Variants in LDLRAD4 observed in about 807,000 individuals in gnomAD.
LDLRAD4 encodes low density lipoprotein receptor class A domain containing 4.
LDLRAD4 carries 5 observed loss-of-function variants against 17.0 expected under a neutral mutation model. That is an observed-to-expected ratio of 0.29 (90% confidence interval 0.15 to 0.62). The LOEUF (loss-of-function observed/expected upper bound fraction) is 0.62. LDLRAD4 is among the 20% of genes least tolerant of loss of function. The probability of loss-of-function intolerance (pLI) is 0.84; values close to 1 mark genes in which losing one functional copy is unlikely to be tolerated. For synonymous variants in LDLRAD4, 168 were observed against 171.8 expected, an observed-to-expected ratio of 0.98 and a Z score of 0.17; for missense variants, 340 against 424.7, an observed-to-expected ratio of 0.80 and a Z score of 1.75.
chr18:13,553,265 T>C (rs1284414), intron 3 of LDLRAD4, among the ~76,000 whole-genome samples: 95,577 of 152,010 alleles, frequency 0.63, 30,273 homozygotes, highest in Middle Eastern at 0.7. Flanking sequence ...AATATTTGTA[T>C]GCTTGCGTGT....
intron 1 of LDLRAD4, among the ~76,000 whole-genome samples, chr18:13,312,805 G>A (rs1414875131): frequency 4.6e-5 from 7 of 152,036 alleles, no homozygotes; most frequent in African/African-American, 1.4e-4. Flanking sequence ...ATAATACTAC[G>A]CATTTTTCCT....
chr18:13,263,996 A>T (rs2044068033), intron 1 of LDLRAD4, among the ~76,000 whole-genome samples: 1 of 152,180 alleles, frequency 6.6e-6, no homozygotes, highest in South Asian at 2.1e-4. Context: ...AAAAAAAAGA[A>T]TTTTGGATGA....
Position 13,358,544 on chromosome 18 carries a change from A to C in LDLRAD4, c.-382-28797A>C, listed in dbSNP as rs185299000. The stretch of plus-strand genomic sequence containing the variant: ...ATTATTACTCATTTGATTTATCCCT[A>C]AAATGTGATAAATAAAATTTATCCT... On this transcript the variant is annotated intron_variant, in intron 1 of 5. Coordinates refer to ENST00000359446, the Ensembl canonical transcript of LDLRAD4. 2.6e-3 allele frequency among the ~76,000 whole-genome samples: 399 copies of C among 152,226 alleles called. 1 individual carries two copies. The highest frequency in any genetic ancestry group is 4.7e-3 in the Non-Finnish European group (321 of 68,016).
upstream of LDLRAD4, among the ~76,000 whole-genome samples, chr18:13,277,031 A>G (rs1032409178): frequency 5.3e-5 from 8 of 152,202 alleles, no homozygotes; most frequent in Non-Finnish European, 1.0e-4. Flanking sequence ...GCAGGCAGGA[A>G]ACAGGAGGAG....
At chr18:13,602,947 CTA>C (rs2095181232) in intron 3 of LDLRAD4, among the ~76,000 whole-genome samples, 1 of 151,938 alleles carries the variant, frequency 6.6e-6, no homozygotes, top group Non-Finnish European at 1.5e-5. Context: ...GAGGACATCG[CTA>C]TATGTTTTCA....
intron 1 of LDLRAD4, among the ~76,000 whole-genome samples, chr18:13,366,398 G>C (rs1464607743): frequency 6.6e-6 from 1 of 152,168 alleles, no homozygotes; most frequent in Non-Finnish European, 1.5e-5. Context: ...TCCTGGTATT[G>C]TTTCCCCAAA....
At chr18:13,346,266 C>A (rs189233222) in intron 1 of LDLRAD4, among the ~76,000 whole-genome samples, 125 of 152,188 alleles carry the variant, frequency 8.2e-4, no homozygotes, top group Non-Finnish European at 1.4e-3. Context: ...CCCAGAGATT[C>A]TTGTATGTTG....
At chr18:13,612,717 C>T in intron 3 of LDLRAD4, 1 of 1,613,634 alleles carries the variant, frequency 6.2e-7, no homozygotes, top group Non-Finnish European at 8.5e-7. Context: ...GTCCAGTGAC[C>T]ACCTGAACAA....
At chr18:13,321,770 A>G (rs962807804) in intron 1 of LDLRAD4, among the ~76,000 whole-genome samples, 1 of 147,336 alleles carries the variant, frequency 6.8e-6, no homozygotes, top group Non-Finnish European at 1.5e-5. Context: ...CTGAGGCAGG[A>G]CAATTGCTGG....
chr18:13,466,927 C>T (rs1002729438), intron 3 of LDLRAD4, among the ~76,000 whole-genome samples: 10 of 152,220 alleles, frequency 6.6e-5, no homozygotes, highest in Non-Finnish European at 1.0e-4. Flanking sequence ...GACCTAATCA[C>T]CTCCTGAAGG....
intron 4 of LDLRAD4, chr18:13,641,818 T>G: frequency 1.0e-6 from 1 of 985,662 alleles, no homozygotes; most frequent in Non-Finnish European, 1.2e-6. Flanking sequence ...TGGCCGGGTT[T>G]GCTGGTTTTT....
At position 13,406,878 on chromosome 18, in the gene LDLRAD4, G is replaced by A. The variant is rs1488766443; in HGVS notation, c.40+19116G>A. ...ATGCAACTGTCAGGGTGCTTAGGAT[G>A]GTGTGGTGTGGCGGGTGAAGGTGGA... On this transcript the variant is annotated intron_variant, in intron 2 of 5. Transcript: ENST00000359446. 2.6e-5 allele frequency among the ~76,000 whole-genome samples: 4 copies of A among 152,144 alleles called. No individual in the cohort carries two copies. The East Asian group carries it at 7.7e-4, about 29-fold the overall frequency.
At chr18:13,229,558 A>G (rs1255322624) in intron 1 of LDLRAD4, among the ~76,000 whole-genome samples, 1 of 152,142 alleles carries the variant, frequency 6.6e-6, no homozygotes, top group Non-Finnish European at 1.5e-5. Flanking sequence ...AGGAGAAGAT[A>G]GAATATGTGT....
rs1347964171 is a variant in LDLRAD4 at position 13,338,911 on chromosome 18, TA to T, written c.-382-48429del. On this transcript the variant is annotated intron_variant, in intron 1 of 5. Coordinates refer to ENST00000359446, the Ensembl canonical transcript of LDLRAD4. ...ACAACGGTGAGTCCAGGGGAGCTGTTATTTTTTTGCTTAGGGTTGGAAGGAG... is the reference window on the plus strand; with the variant it reads ...ACAACGGTGAGTCCAGGGGAGCTGTTTTTTTTTGCTTAGGGTTGGAAGGAG... 2.6e-5 allele frequency among the ~76,000 whole-genome samples: 4 copies of T among 152,232 alleles called. No homozygotes were observed. The East Asian group carries it at 7.7e-4, about 29-fold the overall frequency.
intron 1 of LDLRAD4, among the ~76,000 whole-genome samples, chr18:13,260,149 C>T (rs566775188): frequency 1.3e-5 from 2 of 152,384 alleles, no homozygotes; most frequent in South Asian, 2.1e-4. Flanking sequence ...TTTGGATAAT[C>T]TCCTGAGAGC....
At chr18:13,643,464 G>GGGGGGGGGGGGGGGGGGGGGGC in intron 5 of LDLRAD4, 52 bp downstream of exon 6, 1 of 288,992 alleles carries the variant, frequency 3.5e-6, no homozygotes. Context: ...GGTGGGTGGG[G>GGGGGGGGGGGGGGGGGGGGGGC]ATGAAGGGGG....
chr18:13,433,942 T>G (rs1051249133), intron 2 of LDLRAD4, among the ~76,000 whole-genome samples: 4 of 152,212 alleles, frequency 2.6e-5, no homozygotes, highest in Non-Finnish European at 5.9e-5. Flanking sequence ...CTCGATCCGA[T>G]GGAAATCTCG....
Position 13,494,843 on chromosome 18 carries a change from A to G in LDLRAD4, c.181+56459A>G, listed in dbSNP as rs76104001. On this transcript the variant is annotated intron_variant, in intron 3 of 5. Coordinates refer to ENST00000359446, the Ensembl canonical transcript of LDLRAD4. Reference sequence around the variant, plus strand: ...GTTCACGAAGTCTTCAACAATGGTCATTTGTAATTCACCCTCTCTTCCTAT... The same window carrying G: ...GTTCACGAAGTCTTCAACAATGGTCGTTTGTAATTCACCCTCTCTTCCTAT... Among the ~76,000 whole-genome samples the G allele has an allele frequency of 8.3e-3, 1,256 of 150,730 alleles. 17 individuals carry two copies. Among genetic ancestry groups the G allele is most frequent in the African/African-American group, 0.029 (1,205 of 40,980 alleles).
chr18:13,578,825 G>GTTTT (rs1286958694), intron 3 of LDLRAD4, among the ~76,000 whole-genome samples: 56 of 49,844 alleles, frequency 1.1e-3, no homozygotes, highest in Non-Finnish European at 1.6e-3. Context: ...AGTTGTCCGG[G>GTTTT]TCTTTTTTTT....
Sources: allele counts gnomAD v4.1 joint callset (sites outside exome capture counted in the v4.1 genomes callset), GRCh38; gene constraint gnomAD v4.1.1; transcripts MANE v1.5; gene names NCBI Gene and HGNC (gene_info 2026-07-23, HGNC 2026-07-21).